Variants in PCDHA6 observed in about 807,000 individuals in gnomAD.
The protein encoded by PCDHA6 is protocadherin alpha 6.
Under a neutral mutation model 60.3 loss-of-function variants are expected in PCDHA6, and 55 were observed. The ratio of observed to expected loss-of-function variants is 0.91; its 90% confidence interval spans 0.73 to 1.14. The LOEUF (loss-of-function observed/expected upper bound fraction) is 1.14, where lower values mean the gene tolerates loss of function less well. Among genes scored for constraint, PCDHA6 ranks in the 50% most tolerant of loss-of-function variants. The pLI is 0.00. For missense variants in PCDHA6, 1,327 were observed against 1,256.5 expected, an observed-to-expected ratio of 1.06 and a Z score of -0.85; for synonymous variants, 652 against 557.9, an observed-to-expected ratio of 1.17 and a Z score of -2.38.
chr5:140,981,144 A>G (rs1245688386), intron 2 of PCDHA6, among the ~76,000 whole-genome samples: 1 of 152,238 alleles, frequency 6.6e-6, no homozygotes, highest in African/African-American at 2.4e-5. Flanking sequence ...GAGTGAGAAA[A>G]CATTGAACTT....
chr5:140,943,751 T>C (rs947548745), intron 1 of PCDHA6, among the ~76,000 whole-genome samples: 1 of 152,048 alleles, frequency 6.6e-6, no homozygotes, highest in South Asian at 2.1e-4. Flanking sequence ...CTAAAAGCAG[T>C]AGGAGATGTA....
intron 1 of PCDHA6, chr5:140,850,398 C>G: frequency 1.9e-6 from 3 of 1,597,938 alleles, no homozygotes; most frequent in Non-Finnish European, 1.7e-6. Context: ...CAGCACAACG[C>G]GTGCCCTGGA....
At chr5:140,882,446 G>T (rs556783584) in intron 1 of PCDHA6, 1 of 1,613,924 alleles carries the variant, frequency 6.2e-7, no homozygotes, top group African/African-American at 1.3e-5. Flanking sequence ...GGCGGAGCTG[G>T]TGCCGCGCCT....
rs149739125 is a variant in PCDHA6, at chr5:140,954,248, C to T, written c.2395-24701C>T. 1.2e-3 allele frequency among the ~76,000 whole-genome samples: 179 copies of T among 152,316 alleles called. 1 individual carries two copies. The highest frequency in any genetic ancestry group is 4.0e-3 in the African/African-American group (166 of 41,572). ...TGAATAGTGCTGCAATGAACATACACATGCAGGTATCTTTATAATAGGATG... is the reference window on the plus strand; with the variant it reads ...TGAATAGTGCTGCAATGAACATACATATGCAGGTATCTTTATAATAGGATG... On this transcript the variant is annotated intron_variant, in intron 1 of 3. Coordinates refer to ENST00000529310, the MANE Select transcript of PCDHA6 (RefSeq NM_018909.4).
At chr5:140,831,834 T>C (rs1272753389) in intron 1 of PCDHA6, among the ~76,000 whole-genome samples, 4 of 152,326 alleles carry the variant, frequency 2.6e-5, no homozygotes, top group East Asian at 3.9e-4. Context: ...CTAGTTTCAA[T>C]GATAGAATTG....
intron 3 of PCDHA6, among the ~76,000 whole-genome samples, chr5:140,992,214 C>G (rs2097499658): frequency 6.6e-6 from 1 of 152,152 alleles, no homozygotes; most frequent in Non-Finnish European, 1.5e-5. Flanking sequence ...ATAAACTACT[C>G]TCCCTTCCTG....
At chr5:140,870,465 C>T (rs781918898) in intron 1 of PCDHA6, 1 of 1,614,208 alleles carries the variant, frequency 6.2e-7, no homozygotes, top group Non-Finnish European at 8.5e-7. Context: ...CGCCTGCGTT[C>T]GCACAGCCCG....
At chr5:140,982,675 T>C in intron 3 of PCDHA6, 112 bp downstream of exon 3, 1 of 1,441,782 alleles carries the variant, frequency 6.9e-7, no homozygotes, top group Non-Finnish European at 9.1e-7. Flanking sequence ...ATTTTTGTTA[T>C]TCCCTTTTTT....
chr5:140,864,177 A>G (rs2048351584), intron 1 of PCDHA6: 1 of 152,222 alleles, frequency 6.6e-6, no homozygotes, highest in Non-Finnish European at 1.5e-5. Context: ...AAGGATCATG[A>G]TGAATAATGA....
chr5:140,834,326 A>T, intron 1 of PCDHA6: 1 of 1,449,926 alleles, frequency 6.9e-7, no homozygotes, highest in Non-Finnish European at 9.4e-7. Context: ...GGATAAAAAC[A>T]TTCCTATAAA....
chr5:140,925,100 A>AGGAG (rs1217709299), intron 1 of PCDHA6, among the ~76,000 whole-genome samples: 12 of 151,586 alleles, frequency 7.9e-5, no homozygotes, highest in Admixed American at 1.3e-4. Context: ...GAAGGAAGGA[A>AGGAG]GGAAGGAGGG....
chr5:140,831,586 C>T (rs1771633108), intron 1 of PCDHA6, among the ~76,000 whole-genome samples: 1 of 142,296 alleles, frequency 7.0e-6, no homozygotes, highest in South Asian at 2.4e-4. Flanking sequence ...TGGTCTCAAA[C>T]TACTGGGTGC....
intron 1 of PCDHA6, among the ~76,000 whole-genome samples, chr5:140,922,043 C>T (rs1305034895): frequency 6.6e-6 from 1 of 152,068 alleles, no homozygotes; most frequent in East Asian, 1.9e-4. Flanking sequence ...AATTTTCCCA[C>T]ATACCTTCAA....
intron 1 of PCDHA6, chr5:140,927,771 G>C: frequency 6.2e-7 from 1 of 1,614,210 alleles, no homozygotes; most frequent in Non-Finnish European, 8.5e-7. Flanking sequence ...GTGGGGAGGT[G>C]CAAGTAGCTG....
chr5:140,920,703 G>A (rs1435351032), intron 1 of PCDHA6, among the ~76,000 whole-genome samples: 1 of 152,060 alleles, frequency 6.6e-6, no homozygotes, highest in Non-Finnish European at 1.5e-5. Context: ...CATTAGCTTG[G>A]CATGGTGGTG....
At chr5:140,886,507 G>A (rs2061007189) in intron 1 of PCDHA6, among the ~76,000 whole-genome samples, 1 of 151,788 alleles carries the variant, frequency 6.6e-6, no homozygotes, top group South Asian at 2.1e-4. Context: ...TCCTTTTATG[G>A]ATTTTAAGGT....
At chr5:140,927,592 G>A in intron 1 of PCDHA6, 5 of 1,614,170 alleles carry the variant, frequency 3.1e-6, no homozygotes, top group Non-Finnish European at 4.2e-6. Context: ...GCCTGTATTT[G>A]AGCGCTCCGT....
rs781875497 is a variant in PCDHA6 at position 140,995,949 on chromosome 5, G to A, written c.2542+13386G>A. Among the ~76,000 whole-genome samples, 8 of 152,160 alleles carry A rather than the reference G, an allele frequency of 5.3e-5. No homozygotes were observed. In the East Asian group the frequency reaches 7.7e-4, roughly 15 times the overall value. ...GTAAGTATTAAATGACATAATGCACGCAAAATGCTTAGAACCATGCTTAGT... is the reference window on the plus strand; with the variant it reads ...GTAAGTATTAAATGACATAATGCACACAAAATGCTTAGAACCATGCTTAGT... On this transcript the variant is annotated intron_variant, in intron 3 of 3. Transcript: ENST00000529310.
intron 3 of PCDHA6, among the ~76,000 whole-genome samples, chr5:140,989,861 C>G (rs1449611550): frequency 6.6e-6 from 1 of 152,042 alleles, no homozygotes; most frequent in Non-Finnish European, 1.5e-5. Context: ...GGAGAGGAAT[C>G]TTTCTCTGCC....
Sources: allele counts gnomAD v4.1 joint callset (sites outside exome capture counted in the v4.1 genomes callset), GRCh38; gene constraint gnomAD v4.1.1; transcripts MANE v1.5; gene names NCBI Gene and HGNC (gene_info 2026-07-23, HGNC 2026-07-21).